The following ZNF770 variants were observed in gnomAD, a reference collection of about 807,000 sequenced individuals.
The protein encoded by ZNF770 is zinc finger protein 770.
A neutral mutation model predicts 44.8 loss-of-function variants in ZNF770; 13 were observed. That is an observed-to-expected ratio of 0.29 (90% CI 0.19 to 0.46). The LOEUF is 0.46. Ranked by LOEUF, ZNF770 falls within the 20% of genes least tolerant of loss-of-function variation. The probability of loss-of-function intolerance (pLI) is 1.00; values close to 1 mark genes in which losing one functional copy is unlikely to be tolerated. For synonymous variants in ZNF770, 304 were observed against 271.8 expected, an observed-to-expected ratio of 1.12 and a Z score of -1.17; for missense variants, 681 against 797.9, an observed-to-expected ratio of 0.85 and a Z score of 1.77.
chr15:34,982,027 T>C lies in ZNF770; in HGVS notation c.1408A>G (p.Thr470Ala), dbSNP rs746781322. ...GFSVPRENIR[T>A]RHKICPCDKC... ...TCACAAGGACATATCTTATGTCTAG[T>C]ACGTATGTTTTCCCTTGGAACTGAA... Residue 470 changes from threonine to alanine, a missense_variant, in exon 3 of 3, where the codon ACT becomes GCT. This residue lies in a region of ZNF770 where 432 missense variants were observed against 434.1 expected (regional missense o/e 1.00). Coordinates refer to ENST00000356321, the MANE Select transcript of ZNF770 (RefSeq NM_014106.4). 1.2e-6 allele frequency: 2 copies of C among 1,613,738 alleles called. No individual in the cohort carries two copies. The highest frequency in any genetic ancestry group is 2.2e-5 in the South Asian group (2 of 91,048).
At position 34,982,468 on chromosome 15, in the gene ZNF770, G is replaced by C; in HGVS notation, c.967C>G (p.Pro323Ala). Residue 323 changes from proline (P) to alanine (A), a missense_variant, in exon 3 of 3, where the codon CCA becomes GCA. This residue lies in a region of ZNF770 where 432 missense variants were observed against 434.1 expected (regional missense o/e 1.00). Transcript: ENST00000356321. ...TTGTAGCTTCTTTTGAACCTGCTTG[G>C]AATTTTGCCACTTCTAGCAGCAAAA... ...SCFAARSGKI[P>A]SRFKRSYNYK... is the part of the protein sequence containing the mutation. The C allele has an allele frequency of 6.2e-7, 1 of 1,613,754 alleles. No individual in the cohort carries two copies. The highest frequency in any genetic ancestry group is 8.5e-7 in the Non-Finnish European group (1 of 1,179,906).
rs1197721896 is a variant in ZNF770 at position 34,988,276 on chromosome 15, C to CGGCGCGGCAACGGGCTGAGCGCGCA, written c.-335_-334insTGCGCGCTCAGCCCGTTGCCGCGCC. The CGGCGCGGCAACGGGCTGAGCGCGCA allele has an allele frequency of 6.6e-6, 1 of 152,158 alleles. No individual in the cohort carries two copies. The highest frequency in any genetic ancestry group is 2.1e-4 in the South Asian group (1 of 4,838). 9.4% of individuals were successfully genotyped at this position (152,158 alleles called of 1,614,324 possible). On this transcript the variant is annotated 5_prime_UTR_variant, in exon 1 of 3. Coordinates refer to ENST00000356321, the MANE Select transcript of ZNF770 (RefSeq NM_014106.4). Reference sequence around the variant, plus strand: ...GGCAGCGCGCGCACGTCCGCAGGGCCGGCGCGGCAACGGGCTGAGCGCGCA... The same window carrying CGGCGCGGCAACGGGCTGAGCGCGCA: ...GGCAGCGCGCGCACGTCCGCAGGGCCGGCGCGGCAACGGGCTGAGCGCGCAGGCGCGGCAACGGGCTGAGCGCGCA...
Position 34,979,717 on chromosome 15 carries a change from G to T in ZNF770, c.*1642C>A, listed in dbSNP as rs1485118364. On this transcript the variant is annotated 3_prime_UTR_variant, in exon 3 of 3. Coordinates refer to ENST00000356321, the MANE Select transcript of ZNF770 (RefSeq NM_014106.4). Reference sequence around the variant, plus strand: ...AGTTTATGATGCAAAACTTACAATTGTTCATTTATCCACATTCTCAATAGA... The same window carrying T: ...AGTTTATGATGCAAAACTTACAATTTTTCATTTATCCACATTCTCAATAGA... 6.8e-6 allele frequency: 3 copies of T among 440,610 alleles called. No homozygotes were observed. Among genetic ancestry groups the T allele is most frequent in the South Asian group, 4.8e-5 (3 of 62,058 alleles). 27.3% of individuals were successfully genotyped at this position (440,610 alleles called of 1,614,324 possible). A position where few individuals can be genotyped will look rare whatever the true frequency, so the allele number is the denominator to read the frequency against.
In ZNF770 at chr15:34,980,373, T is replaced by C. The variant is rs539408052; in HGVS notation, c.*986A>G. ...AAACATGGTAAATATAGGTACATCCTAGCCTCTCGCCTACTTTTAAATTAT... is the reference window on the plus strand; with the variant it reads ...AAACATGGTAAATATAGGTACATCCCAGCCTCTCGCCTACTTTTAAATTAT... On this transcript the variant is annotated 3_prime_UTR_variant, in exon 3 of 3. Transcript: ENST00000356321. The C allele has an allele frequency of 6.6e-6, 1 of 152,306 alleles. No homozygotes were observed. The highest frequency in any genetic ancestry group is 1.9e-4 in the East Asian group (1 of 5,188). 9.4% of individuals were successfully genotyped at this position (152,306 alleles called of 1,614,324 possible).
chr15:34,986,893 C>T (rs972889803), intron 2 of ZNF770, among the ~76,000 whole-genome samples: 1 of 152,304 alleles, frequency 6.6e-6, no homozygotes. Context: ...GCAGGAGGGG[C>T]AGGGCAAGTC....
In ZNF770 at chr15:34,983,049, A is replaced by G. The variant is rs1263782504; in HGVS notation, c.386T>C (p.Val129Ala). 7 of 1,613,968 alleles carry G rather than the reference A, an allele frequency of 4.3e-6. No individual in the cohort carries two copies. Among genetic ancestry groups the G allele is most frequent in the Non-Finnish European group, 5.9e-6 (7 of 1,179,950 alleles). ...TTCCTCTGTGGTAAAAGTATTATAC[A>G]CTCCATACATTGACTTTTCTTGCTT... Reference protein sequence around the residue: ...EAKQEKSMYGVYNTFTTEERW... With the variant: ...EAKQEKSMYGAYNTFTTEERW... Residue 129 changes from valine (V) to alanine (A), a missense_variant, in exon 3 of 3, where the codon GTG becomes GCG. Val to Ala is a moderately conservative substitution (Grantham distance 64, BLOSUM62 0). Around this residue, in one of 5 missense-constraint regions of ZNF770, gnomAD observed 432 missense variants for 434.1 expected, o/e 1.00. Coordinates refer to ENST00000356321, the MANE Select transcript of ZNF770 (RefSeq NM_014106.4).
Position 34,987,659 on chromosome 15 carries a change from C to G in ZNF770, c.-159G>C, listed in dbSNP as rs980466703. 1.3e-5 allele frequency: 2 copies of G among 152,190 alleles called. No homozygotes were observed. Among genetic ancestry groups the G allele is most frequent in the African/African-American group, 2.4e-5 (1 of 41,450 alleles). The allele number at this position is 152,190 out of a possible 1,614,324, so 9.4% of individuals were successfully genotyped here. A position where few individuals can be genotyped will look rare whatever the true frequency, so the allele number is the denominator to read the frequency against. On this transcript the variant is annotated 5_prime_UTR_variant, in exon 2 of 3. Transcript: ENST00000356321. ...TGAGGATTTCACGAAAGTAAGCGAA[C>G]AAGAAATGAAAGACCTAAGAGAAAC...
At position 34,978,806 on chromosome 15, in the gene ZNF770, T is replaced by C. The variant is rs2050383064; in HGVS notation, c.*2553A>G. 1 of 152,132 alleles carries C rather than the reference T, an allele frequency of 6.6e-6. No homozygotes were observed. The highest frequency in any genetic ancestry group is 1.9e-4 in the East Asian group (1 of 5,196). 9.4% of individuals were successfully genotyped at this position (152,132 alleles called of 1,614,324 possible). A position where few individuals can be genotyped will look rare whatever the true frequency, so the allele number is the denominator to read the frequency against. Reference sequence around the variant, plus strand: ...CTGGACCGTCCCCCCAACCCACAGATACCAAAAATCCAAGTATACTCAAGT... The same window carrying C: ...CTGGACCGTCCCCCCAACCCACAGACACCAAAAATCCAAGTATACTCAAGT... On this transcript the variant is annotated 3_prime_UTR_variant, in exon 3 of 3. Transcript: ENST00000356321.
chr15:34,986,892 G>A (rs960483947), intron 2 of ZNF770, among the ~76,000 whole-genome samples: 2 of 152,356 alleles, frequency 1.3e-5, no homozygotes, highest in Non-Finnish European at 1.5e-5. Context: ...AGCAGGAGGG[G>A]CAGGGCAAGT....
At chr15:34,984,649 C>CA (rs77322907) in intron 2 of ZNF770, among the ~76,000 whole-genome samples, 19,200 of 117,384 alleles carry the variant, frequency 0.16, 1,338 homozygotes, top group Non-Finnish European at 0.2. Context: ...GAATCCATCT[C>CA]AAAAAAAAAA....
In ZNF770 at chr15:34,982,034, G is replaced by A. The variant is rs1359950436; in HGVS notation, c.1401C>T (p.Asn467=). Residue 467 remains asparagine, a synonymous_variant, in exon 3 of 3, where the codon AAC becomes AAT. Coordinates refer to ENST00000356321, the MANE Select transcript of ZNF770 (RefSeq NM_014106.4). ...GACATATCTTATGTCTAGTACGTAT[G>A]TTTTCCCTTGGAACTGAAAAACCAC... ...LQCGFSVPRE[N]IRTRHKICPC... 1.5e-5 allele frequency: 24 copies of A among 1,613,480 alleles called. No homozygotes were observed. The highest frequency in any genetic ancestry group is 1.8e-5 in the Non-Finnish European group (21 of 1,179,964).
rs778226060 is a variant in ZNF770, at chr15:34,982,528, AAC to A, written c.905_906del (p.Cys302PhefsTer2). ...TCATTGAGAATCTGCTCTGATTCAA[AAC>A]ACTTTTCACACTTTGGACATTGAAA... is the stretch of plus-strand genomic sequence containing the variant. The part of the protein sequence containing the change: ...VPFQCPKCEK[C>X]FESEQILNEH... On this transcript the variant is annotated frameshift_variant, in exon 3 of 3. Transcript: ENST00000356321. LOFTEE classifies it high-confidence loss of function. 1 of 1,613,894 alleles carries A rather than the reference AAC, an allele frequency of 6.2e-7. No homozygotes were observed. The highest frequency in any genetic ancestry group is 8.5e-7 in the Non-Finnish European group (1 of 1,179,988).
Position 34,982,308 on chromosome 15 carries a change from T to C in ZNF770, c.1127A>G (p.Gln376Arg). ...TGTTCTCTGGGTTTGTTCAGAGCTCTGCTCACCAGAAATAAGATCACAATT... is the reference window on the plus strand; with the variant it reads ...TGTTCTCTGGGTTTGTTCAGAGCTCCGCTCACCAGAAATAAGATCACAATT... ...LRNCDLISGE[Q>R]SSEQTQRTFV... The change falls in exon 3 of 3, where the codon CAG becomes CGG. Residue 376 changes from glutamine to arginine, a missense_variant. Around this residue, in one of 5 missense-constraint regions of ZNF770, gnomAD observed 432 missense variants for 434.1 expected, o/e 1.00. Transcript: ENST00000356321. The C allele has an allele frequency of 6.2e-7, 1 of 1,612,168 alleles. No homozygotes were observed. The highest frequency in any genetic ancestry group is 8.5e-7 in the Non-Finnish European group (1 of 1,179,546).
intron 2 of ZNF770, among the ~76,000 whole-genome samples, chr15:34,986,865 A>T (rs1168651495): frequency 6.6e-6 from 1 of 152,218 alleles, no homozygotes; most frequent in Non-Finnish European, 1.5e-5. Flanking sequence ...GAAAGAAGTT[A>T]TGGGATTTGC....
rs1278762871 is a variant in ZNF770 at position 34,982,042 on chromosome 15, T to C, written c.1393A>G (p.Arg465Gly). 5 of 1,613,542 alleles carry C rather than the reference T, an allele frequency of 3.1e-6. No homozygotes were observed. In the African/African-American group the frequency reaches 5.3e-5, roughly 17 times the overall value. ...EVLQCGFSVP[R>G]ENIRTRHKIC... ...TTATGTCTAGTACGTATGTTTTCCC[T>C]TGGAACTGAAAAACCACACTGAAGT... Residue 465 changes from arginine (R) to glycine (G), a missense_variant, in exon 3 of 3, where the codon AGG becomes GGG. Physicochemically the swap from Arg to Gly is moderately radical, Grantham distance 125 (BLOSUM62 -2). Around this residue, in one of 5 missense-constraint regions of ZNF770, gnomAD observed 432 missense variants for 434.1 expected, o/e 1.00. Transcript: ENST00000356321.
rs115364307 is a variant in ZNF770, at chr15:34,985,899, A to T, written c.-57+1658T>A. ...GAGACAGAGCAAGACTCTCAAAAAA[A>T]ATTTAAAAATAAATACATAAATAAA... On this transcript the variant is annotated intron_variant, in intron 2 of 2. Coordinates refer to ENST00000356321, the MANE Select transcript of ZNF770 (RefSeq NM_014106.4). Among the ~76,000 whole-genome samples the T allele has an allele frequency of 9.1e-3, 1,382 of 152,290 alleles. 21 individuals are homozygous for T. Among genetic ancestry groups the T allele is most frequent in the African/African-American group, 0.032 (1,323 of 41,536 alleles).
At position 34,981,839 on chromosome 15, in the gene ZNF770, T is replaced by A. The variant is rs1195160218; in HGVS notation, c.1596A>T (p.Ala532=). The change falls in exon 3 of 3, where the codon GCA becomes GCT. Residue 532 remains alanine, a synonymous_variant. Coordinates refer to ENST00000356321, the MANE Select transcript of ZNF770 (RefSeq NM_014106.4). The stretch of plus-strand genomic sequence containing the variant: ...TTCCAAATTCTACTTGGCAAAGAGA[T>A]GCATAAGGACTCTTTTCATTATGAG... The part of the protein sequence containing the change: ...EQTHNEKSPY[A]SLCQVEFGNF... 1 of 1,614,046 alleles carries A rather than the reference T, an allele frequency of 6.2e-7. No homozygotes were observed. The highest frequency in any genetic ancestry group is 1.1e-5 in the South Asian group (1 of 91,080).
rs2050386522 is a variant in ZNF770, at chr15:34,979,437, T to C, written c.*1922A>G. 1 of 244,566 alleles carries C rather than the reference T, an allele frequency of 4.1e-6. No individual in the cohort carries two copies. Among genetic ancestry groups the C allele is most frequent in the African/African-American group, 2.3e-5 (1 of 42,660 alleles). The allele number at this position is 244,566 out of a possible 1,614,324, so 15.1% of individuals were successfully genotyped here. ...CTGTAAACCATTATCTTGCTTGCAC[T>C]GGAGGAACATATCTCAAGGAAACCT... On this transcript the variant is annotated 3_prime_UTR_variant, in exon 3 of 3. Coordinates refer to ENST00000356321, the MANE Select transcript of ZNF770 (RefSeq NM_014106.4).
chr15:34,983,955 T>C (rs1368509262), intron 2 of ZNF770, among the ~76,000 whole-genome samples: 2 of 152,234 alleles, frequency 1.3e-5, no homozygotes, highest in Non-Finnish European at 2.9e-5. Flanking sequence ...ATAGAACATT[T>C]CACTTATCAT....
Sources: gnomAD v4.1 joint callset for allele counts (sites outside exome capture counted in the v4.1 genomes callset) on GRCh38, gnomAD v4.1.1 for gene constraint, gnomAD v4.1.1 regional missense constraint, MANE v1.5 for transcripts, NCBI Gene and HGNC (gene_info 2026-07-23, HGNC 2026-07-21) for gene names.